IRX5: variants seen among roughly 807,000 people sequenced by gnomAD.
IRX5 encodes the protein iroquois homeobox 5.
IRX5 carries 8 observed loss-of-function variants against 37.6 expected under a neutral mutation model. The observed-to-expected ratio is 0.21, with a 90% confidence interval of 0.12 to 0.38. The LOEUF is 0.38. Ranked by LOEUF, IRX5 falls within the 10% of genes least tolerant of loss-of-function variation. IRX5 has a pLI of 1.00. For missense variants in IRX5, 635 were observed against 695.2 expected, an observed-to-expected ratio of 0.91 and a Z score of 0.97; for synonymous variants, 359 against 328.6, an observed-to-expected ratio of 1.09 and a Z score of -1.00.
chr16:54,932,456 G>T lies in IRX5; in HGVS notation c.250-42G>T, dbSNP rs373898474. 6.4e-7 allele frequency: 1 copy of T among 1,557,042 alleles called. No individual in the cohort carries two copies. The highest frequency in any genetic ancestry group is 1.4e-5 in the African/African-American group (1 of 73,358). On this transcript the variant is annotated intron_variant, in intron 1 of 2. Coordinates refer to ENST00000394636, the MANE Select transcript of IRX5 (RefSeq NM_005853.6). This position sits in a 1 kb window ranked among gnomAD's most constrained non-coding sequence, Gnocchi z 6.7. The stretch of plus-strand genomic sequence containing the variant: ...TGCTTCGGTCGTTCCGATGGCAGTG[G>T]AGACCACGGTCCACACTCACCTCTC...
At position 54,932,505 on chromosome 16, in the gene IRX5, C is replaced by T. The variant is rs746620662; in HGVS notation, c.257C>T (p.Pro86Leu). The change falls in exon 2 of 3, where the codon CCC becomes CTC. Residue 86 changes from proline to leucine, a missense_variant. Coordinates refer to ENST00000394636, the MANE Select transcript of IRX5 (RefSeq NM_005853.6). The surrounding 1 kb of genome is among the most constrained non-coding windows in gnomAD (Gnocchi z 6.7). ...TCTGCGTCTCCACCGCAGGGCTCTC[C>T]CTACGACCACACACCCGGCATGGCG... ...AAAFSSYVGS[P>L]YDHTPGMAGS... The T allele has an allele frequency of 1.7e-5, 27 of 1,610,854 alleles. No homozygotes were observed. In the East Asian group the frequency reaches 2.9e-4, roughly 17 times the overall value.
rs1218609148 is a variant in IRX5 at position 54,933,333 on chromosome 16, G to A, written c.912G>A (p.Ala304=). Residue 304 remains alanine, a synonymous_variant, in exon 3 of 3, where the codon GCG becomes GCA. Transcript: ENST00000394636. ...GAPAPGPHPA[A]GEVPPGPGGP... ...CGGCGCCCGGCCCGCATCCAGCCGC[G>A]GGCGAGGTGCCTCCGGGTCCCGGCG... 2 of 1,467,604 alleles carry A rather than the reference G, an allele frequency of 1.4e-6. No individual in the cohort carries two copies. Among genetic ancestry groups the A allele is most frequent in the Non-Finnish European group, 9.0e-7 (1 of 1,113,510 alleles). 90.9% of individuals were successfully genotyped at this position (1,467,604 alleles called of 1,614,324 possible). A position where few individuals can be genotyped will look rare whatever the true frequency, so the allele number is the denominator to read the frequency against.
chr16:54,933,662 A>C lies in IRX5; in HGVS notation c.1241A>C (p.Asn414Thr). Residue 414 changes from asparagine to threonine, a missense_variant, in exon 3 of 3, where the codon AAC becomes ACC. Asn to Thr is a moderately conservative substitution (Grantham distance 65). This residue lies in a region of IRX5 where 188 missense variants were observed against 200.8 expected (regional missense o/e 0.94). Coordinates refer to ENST00000394636, the MANE Select transcript of IRX5 (RefSeq NM_005853.6). ...YTAPFYPGYT[N>T]YGSFGHLHGH... Reference sequence around the variant, plus strand: ...GCGCCCTTCTATCCCGGCTACACGAACTATGGCTCCTTCGGACACCTTCAT... The same window carrying C: ...GCGCCCTTCTATCCCGGCTACACGACCTATGGCTCCTTCGGACACCTTCAT... 6.2e-7 allele frequency: 1 copy of C among 1,612,750 alleles called. No homozygotes were observed. The highest frequency in any genetic ancestry group is 1.1e-5 in the South Asian group (1 of 91,032).
rs554378293 is a variant in IRX5, at chr16:54,931,414, G to GGCCGCCGCC, written c.226_234dup (p.Ala76_Ala78dup). ...ACCTCCAGTACGGCGCCGACCCCGC[G>GGCCGCCGCC]GCCGCCGCCGCCGCCGCCTTCTCCT... is the stretch of plus-strand genomic sequence containing the variant. On this transcript the variant is annotated inframe_insertion, in exon 1 of 3. Coordinates refer to ENST00000394636, the MANE Select transcript of IRX5 (RefSeq NM_005853.6). The GGCCGCCGCC allele has an allele frequency of 6.9e-6, 11 of 1,591,858 alleles. No homozygotes were observed. In the African/African-American group the frequency reaches 1.2e-4, roughly 17 times the overall value.
rs1963909560 is a variant in IRX5, at chr16:54,932,431, TG to T, written c.250-66del. 1 of 1,518,868 alleles carries T rather than the reference TG, an allele frequency of 6.6e-7. No individual in the cohort carries two copies. The highest frequency in any genetic ancestry group is 1.3e-5 in the South Asian group (1 of 78,072). 94.1% of individuals were successfully genotyped at this position (1,518,868 alleles called of 1,614,324 possible). Reference sequence around the variant, plus strand: ...ACCCCGGGGAGCGCAGGGAAAAGGGTGCTTCGGTCGTTCCGATGGCAGTGGA... The same window carrying T: ...ACCCCGGGGAGCGCAGGGAAAAGGGTCTTCGGTCGTTCCGATGGCAGTGGA... On this transcript the variant is annotated intron_variant, in intron 1 of 2. Transcript: ENST00000394636. This position sits in a 1 kb window ranked among gnomAD's most constrained non-coding sequence, Gnocchi z 6.7.
intron 1 of IRX5, 43 bp downstream of exon 1, chr16:54,931,490 C>T (rs781686178): frequency 6.8e-7 from 1 of 1,475,240 alleles, no homozygotes; most frequent in Admixed American, 2.2e-5. Flanking sequence ...CAGCAGGGGC[C>T]GGGCGGGAGG....
In IRX5 at chr16:54,931,244, G is replaced by A. The variant is rs1309303538; in HGVS notation, c.46G>A (p.Ala16Thr). 1.2e-6 allele frequency: 2 copies of A among 1,611,842 alleles called. No homozygotes were observed. The highest frequency in any genetic ancestry group is 2.7e-5 in the African/African-American group (2 of 74,848). Residue 16 changes from alanine to threonine, a missense_variant, in exon 1 of 3, where the codon GCG becomes ACG. Physicochemically the swap from Ala to Thr is moderately conservative, Grantham distance 58. This residue lies in a region of IRX5 where 145 missense variants were observed against 152.4 expected (regional missense o/e 0.95). Transcript: ENST00000394636. Reference sequence around the variant, plus strand: ...CTTGTACCAGCCGTCCGCCTCGCTGGCGCTCTACTCGTGCCCGGCGTACAG... The same window carrying A: ...CTTGTACCAGCCGTCCGCCTCGCTGACGCTCTACTCGTGCCCGGCGTACAG... ...GYLYQPSASLALYSCPAYSTS... is the reference protein window; with the variant it reads ...GYLYQPSASLTLYSCPAYSTS...
chr16:54,933,757 G>T lies in IRX5; in HGVS notation c.1336G>T (p.Val446Leu). The T allele has an allele frequency of 1.2e-6, 2 of 1,614,144 alleles. No homozygotes were observed. The highest frequency in any genetic ancestry group is 1.7e-6 in the Non-Finnish European group (2 of 1,180,038). The change falls in exon 3 of 3, where the codon GTG (valine) becomes TTG (leucine). Residue 446 changes from valine to leucine, a missense_variant. Physicochemically the swap from Val to Leu is conservative, Grantham distance 32. Transcript: ENST00000394636. ...GSHFNGLNQT[V>L]LNRADALAKD... Reference sequence around the variant, plus strand: ...TCATTTCAATGGATTAAACCAGACCGTGTTGAACCGAGCGGACGCTTTGGC... The same window carrying T: ...TCATTTCAATGGATTAAACCAGACCTTGTTGAACCGAGCGGACGCTTTGGC...
In IRX5 at chr16:54,931,298, G is replaced by A. The variant is rs377035980; in HGVS notation, c.100G>A (p.Asp34Asn). ...STSVISGPRTDELGRSSSGSA... is the reference protein window; with the variant it reads ...STSVISGPRTNELGRSSSGSA... ...CAGCGTCATTTCGGGGCCCCGCACG[G>A]ATGAGCTCGGCCGCTCTTCTTCGGG... is the stretch of plus-strand genomic sequence containing the variant. The change falls in exon 1 of 3, where the codon GAT becomes AAT. Residue 34 changes from aspartate (D) to asparagine (N), a missense_variant. Asp to Asn is a conservative substitution (Grantham distance 23). Coordinates refer to ENST00000394636, the MANE Select transcript of IRX5 (RefSeq NM_005853.6). 1.2e-6 allele frequency: 2 copies of A among 1,612,486 alleles called. No individual in the cohort carries two copies. Among genetic ancestry groups the A allele is most frequent in the Non-Finnish European group, 1.7e-6 (2 of 1,179,634 alleles).
Position 54,933,509 on chromosome 16 carries a change from C to G in IRX5, c.1088C>G (p.Pro363Arg), listed in dbSNP as rs1176835721. ...GAGGGCTCTCCATGCCCACCGTGTC[C>G]CGGGCCCATAGCCGGGCAAGCCCTA... ...GNEGSPCPPC[P>R]GPIAGQALGG... Residue 363 changes from proline (P) to arginine (R), a missense_variant, in exon 3 of 3, where the codon CCC becomes CGC. This residue lies in a region of IRX5 where 188 missense variants were observed against 200.8 expected (regional missense o/e 0.94). Transcript: ENST00000394636. 1.2e-6 allele frequency: 2 copies of G among 1,610,644 alleles called. No homozygotes were observed. The highest frequency in any genetic ancestry group is 2.2e-5 in the South Asian group (2 of 90,722).
chr16:54,933,174 T>C lies in IRX5; in HGVS notation c.753T>C (p.Asp251=), dbSNP rs1963922559. ...CGGAGGGCAGCCTCAGCGACTCGGA[T>C]TTTAAGGAGCCGCCCTCGGAGGGCC... ...KETEGSLSDS[D]FKEPPSEGRL... is the part of the protein sequence containing the mutation. The change falls in exon 3 of 3, where the codon GAT becomes GAC. Residue 251 remains aspartate, a synonymous_variant. Coordinates refer to ENST00000394636, the MANE Select transcript of IRX5 (RefSeq NM_005853.6). 1.3e-6 allele frequency: 2 copies of C among 1,563,634 alleles called. No homozygotes were observed. The highest frequency in any genetic ancestry group is 1.4e-5 in the African/African-American group (1 of 73,958).
rs761675992 is a variant in IRX5, at chr16:54,932,066, G to GA, written c.250-425dup. 18 of 702,184 alleles carry GA rather than the reference G, an allele frequency of 2.6e-5. 1 individual carries two copies. Among genetic ancestry groups the GA allele is most frequent in the South Asian group, 2.5e-4 (17 of 67,586 alleles). The allele number at this position is 702,184 out of a possible 1,614,324, so 43.5% of individuals were successfully genotyped here. On this transcript the variant is annotated intron_variant, in intron 1 of 2. Transcript: ENST00000394636. The surrounding 1 kb of genome is among the most constrained non-coding windows in gnomAD (Gnocchi z 6.7). ...TTGCATTTCTTAGCTGTTGAAAAAA[G>GA]AAAAAAAGAGCCTTGACTTCCCTTG...
At position 54,932,024 on chromosome 16, in the gene IRX5, A is replaced by T. The variant is rs1221264310; in HGVS notation, c.250-474A>T. ...TTTTGGAGGGTGGGAGTGCGTGGGC[A>T]TGGCTCAGCTTTTTGTTTGCATTTC... is the stretch of plus-strand genomic sequence containing the variant. On this transcript the variant is annotated intron_variant, in intron 1 of 2. Coordinates refer to ENST00000394636, the MANE Select transcript of IRX5 (RefSeq NM_005853.6). This position sits in a 1 kb window ranked among gnomAD's most constrained non-coding sequence, Gnocchi z 6.7. The T allele has an allele frequency of 1.4e-6, 1 of 699,970 alleles. No individual in the cohort carries two copies. Among genetic ancestry groups the T allele is most frequent in the Non-Finnish European group, 2.6e-6 (1 of 383,392 alleles). 43.4% of individuals were successfully genotyped at this position (699,970 alleles called of 1,614,324 possible). A position where few individuals can be genotyped will look rare whatever the true frequency, so the allele number is the denominator to read the frequency against.
chr16:54,931,520 C>T (rs1279399955), intron 1 of IRX5, 73 bp downstream of exon 1: 2 of 1,437,990 alleles, frequency 1.4e-6, no homozygotes, highest in Non-Finnish European at 1.8e-6. Flanking sequence ...GAGGGGGACA[C>T]GGGCCTAGGC....
Position 54,931,321 on chromosome 16 carries a change from G to C in IRX5, c.123G>C (p.Ser41=), listed in dbSNP as rs761648793. The part of the protein sequence containing the change: ...PRTDELGRSS[S]GSAFSPYAGS... ...CGGATGAGCTCGGCCGCTCTTCTTC[G>C]GGCTCCGCGTTCTCGCCCTACGCTG... Residue 41 remains serine (S), a synonymous_variant, in exon 1 of 3, where the codon TCG becomes TCC. Coordinates refer to ENST00000394636, the MANE Select transcript of IRX5 (RefSeq NM_005853.6). 6.2e-7 allele frequency: 1 copy of C among 1,611,834 alleles called. No homozygotes were observed. Among genetic ancestry groups the C allele is most frequent in the South Asian group, 1.1e-5 (1 of 91,066 alleles).
chr16:54,932,556 C>T lies in IRX5; in HGVS notation c.308C>T (p.Ala103Val), dbSNP rs1963911776. The change falls in exon 2 of 3, where the codon GCG (alanine) becomes GTG (valine). Residue 103 changes from alanine to valine, a missense_variant. By Grantham distance (64) the Ala-to-Val change is moderately conservative (BLOSUM62 0). This residue lies in a region of IRX5 where 145 missense variants were observed against 152.4 expected (regional missense o/e 0.95). Coordinates refer to ENST00000394636, the MANE Select transcript of IRX5 (RefSeq NM_005853.6). This position sits in a 1 kb window ranked among gnomAD's most constrained non-coding sequence, Gnocchi z 6.7. ...GGCTCCTTGGGGTACCATCCTTACGCGGCGCCCCTGGGATCGTACCCTTAC... is the reference window on the plus strand; with the variant it reads ...GGCTCCTTGGGGTACCATCCTTACGTGGCGCCCCTGGGATCGTACCCTTAC... ...MAGSLGYHPYAAPLGSYPYGD... is the reference protein window; with the variant it reads ...MAGSLGYHPYVAPLGSYPYGD... 6 of 1,614,048 alleles carry T rather than the reference C, an allele frequency of 3.7e-6. No homozygotes were observed. Among genetic ancestry groups the T allele is most frequent in the African/African-American group, 2.7e-5 (2 of 75,038 alleles).
chr16:54,932,396 C>A lies in IRX5; in HGVS notation c.250-102C>A. ...TAGGAAGCTGGAGTGCGGGCCTCGT[C>A]CACCCACAGACCCCGGGGAGCGCAG... On this transcript the variant is annotated intron_variant, in intron 1 of 2. Coordinates refer to ENST00000394636, the MANE Select transcript of IRX5 (RefSeq NM_005853.6). The surrounding 1 kb of genome is among the most constrained non-coding windows in gnomAD (Gnocchi z 6.7). The A allele has an allele frequency of 7.3e-7, 1 of 1,366,494 alleles. No homozygotes were observed. The highest frequency in any genetic ancestry group is 9.9e-7 in the Non-Finnish European group (1 of 1,012,940). The allele number at this position is 1,366,494 out of a possible 1,614,324, so 84.6% of individuals were successfully genotyped here. A position where few individuals can be genotyped will look rare whatever the true frequency, so the allele number is the denominator to read the frequency against.
rs372438088 is a variant in IRX5 at position 54,932,926 on chromosome 16, G to T, written c.655+23G>T. The T allele has an allele frequency of 6.3e-7, 1 of 1,595,154 alleles. No individual in the cohort carries two copies. The highest frequency in any genetic ancestry group is 1.4e-5 in the African/African-American group (1 of 73,708). On this transcript the variant is annotated intron_variant, in intron 2 of 2. Coordinates refer to ENST00000394636, the MANE Select transcript of IRX5 (RefSeq NM_005853.6). This position sits in a 1 kb window ranked among gnomAD's most constrained non-coding sequence, Gnocchi z 6.7. ...CAGGTTGGTGGACATGGGAAAGGGCGTGTTGGGCGGGAGTAAAAAGGAAAA... is the reference window on the plus strand; with the variant it reads ...CAGGTTGGTGGACATGGGAAAGGGCTTGTTGGGCGGGAGTAAAAAGGAAAA...
intron 1 of IRX5, chr16:54,931,995 G>C (rs1233787103): frequency 7.3e-6 from 5 of 687,140 alleles, no homozygotes; most frequent in Non-Finnish European, 1.3e-5. Context: ...GTCTGGGGTA[G>C]TATTTTTGGA....
Sources: allele counts gnomAD v4.1 joint callset, GRCh38; gene constraint gnomAD v4.1.1; regional missense constraint gnomAD v4.1.1; non-coding constraint Gnocchi (gnomAD v3.1); transcripts MANE v1.5; gene names NCBI Gene and HGNC (gene_info 2026-07-23, HGNC 2026-07-21).